Variants in CHD9 observed in about 807,000 individuals in gnomAD.
CHD9 encodes chromodomain helicase DNA binding protein 9, also known as ATP-dependent chromatin remodeler CHD9.
In CHD9, 77 loss-of-function variants were observed where a neutral mutation model predicts 316.1. The observed-to-expected ratio is 0.24, with a 90% CI of 0.20 to 0.29. CHD9 has a LOEUF of 0.29. Ranked by LOEUF, CHD9 falls within the 10% of genes least tolerant of loss-of-function variation. The pLI is 1.00. For missense variants in CHD9, 2,763 were observed against 3,438.1 expected, an observed-to-expected ratio of 0.80 and a Z score of 4.91; for synonymous variants, 1,129 against 1,158.3, an observed-to-expected ratio of 0.97 and a Z score of 0.51.
At chr16:53,249,322 T>A (rs146278162) in intron 16 of CHD9, among the ~76,000 whole-genome samples, 140 of 152,324 alleles carry the variant, frequency 9.2e-4, no homozygotes, top group African/African-American at 3.2e-3. Flanking sequence ...ATTTGATGTC[T>A]TGCAGTTTTT....
At chr16:53,130,556 G>A (rs1041382241) in intron 1 of CHD9, among the ~76,000 whole-genome samples, 53 of 150,076 alleles carry the variant, frequency 3.5e-4, no homozygotes, top group African/African-American at 1.3e-3. Context: ...GGCTGCCGGG[G>A]GAGCCCGGAC....
At chr16:53,248,901 A>T (rs1242711952) in intron 16 of CHD9, among the ~76,000 whole-genome samples, 1 of 152,140 alleles carries the variant, frequency 6.6e-6, no homozygotes, top group Admixed American at 6.5e-5. Context: ...GAGATTATGT[A>T]GTTCATTTTT....
At chr16:53,084,731 G>A (rs2035319914) in intron 1 of CHD9, among the ~76,000 whole-genome samples, 1 of 152,192 alleles carries the variant, frequency 6.6e-6, no homozygotes, top group African/African-American at 2.4e-5. Flanking sequence ...AACAGAGTGA[G>A]ACTTCGTCTC....
intron 2 of CHD9, among the ~76,000 whole-genome samples, chr16:53,201,337 G>T (rs2045437455): frequency 6.6e-6 from 1 of 152,126 alleles, no homozygotes; most frequent in Non-Finnish European, 1.5e-5. Flanking sequence ...GATCATGTAT[G>T]ACCTTTTTCT....
chr16:53,317,175 A>G (rs2056946579), intron 36 of CHD9, among the ~76,000 whole-genome samples: 1 of 151,686 alleles, frequency 6.6e-6, no homozygotes, highest in African/African-American at 2.4e-5. Flanking sequence ...AAAAAAAAAA[A>G]AAAAAAGAAA....
chr16:53,165,056 G>T (rs2042181334), intron 2 of CHD9, among the ~76,000 whole-genome samples: 1 of 152,142 alleles, frequency 6.6e-6, no homozygotes, highest in Non-Finnish European at 1.5e-5. Flanking sequence ...GGACTTTAGA[G>T]GTCATTATTA....
chr16:53,116,257 A>G (rs2038296423), intron 1 of CHD9, among the ~76,000 whole-genome samples: 4 of 152,242 alleles, frequency 2.6e-5, no homozygotes, highest in Admixed American at 2.6e-4. Context: ...AAAGGGTTTC[A>G]CCGTGCTGGC....
intron 1 of CHD9, among the ~76,000 whole-genome samples, chr16:53,059,901 G>A (rs998608778): frequency 1.3e-5 from 2 of 152,198 alleles, no homozygotes; most frequent in African/African-American, 4.8e-5. Context: ...AACTGCCACT[G>A]TAGAGTAAAA....
intron 2 of CHD9, among the ~76,000 whole-genome samples, chr16:53,161,366 T>C (rs1004476814): frequency 2.0e-5 from 3 of 152,246 alleles, no homozygotes; most frequent in African/African-American, 7.2e-5. Flanking sequence ...AATTTTTGCA[T>C]GTTCTGTATA....
Position 53,324,369 on chromosome 16 carries a change from A to C in CHD9, c.8168A>C (p.Asn2723Thr), listed in dbSNP as rs200093539. The change falls in exon 39 of 39, where the codon AAT (asparagine) becomes ACT (threonine). Residue 2723 changes from asparagine (N) to threonine (T), a missense_variant. Asn to Thr is a moderately conservative substitution (Grantham distance 65). Coordinates refer to ENST00000447540, the MANE Select transcript of CHD9 (RefSeq NM_001308319.2). ...MLLSGMAGLP[N>T]LLGMGGLLTK... ...CTGTCAGGAATGGCTGGATTACCAAATCTGTTGGGCATGGGAGGACTCCTG... is the reference window on the plus strand; with the variant it reads ...CTGTCAGGAATGGCTGGATTACCAACTCTGTTGGGCATGGGAGGACTCCTG... The C allele has an allele frequency of 6.2e-7, 1 of 1,613,978 alleles. No homozygotes were observed. The highest frequency in any genetic ancestry group is 8.5e-7 in the Non-Finnish European group (1 of 1,179,880).
rs1300726498 is a variant in CHD9, at chr16:53,199,937, TAGAA to T, written c.1453-9538_1453-9535del. On this transcript the variant is annotated intron_variant, in intron 2 of 38. Coordinates refer to ENST00000447540, the MANE Select transcript of CHD9 (RefSeq NM_001308319.2). ...AATCATAGTGTCAGATTATAAACCA[TAGAA>T]AGAAAGTAATATCGGCTGGCACGGT... 4.6e-5 allele frequency among the ~76,000 whole-genome samples: 7 copies of T among 152,174 alleles called. No individual in the cohort carries two copies. In the East Asian group the frequency reaches 1.4e-3, roughly 29 times the overall value.
intron 1 of CHD9, among the ~76,000 whole-genome samples, chr16:53,104,240 G>A (rs1176911427): frequency 6.6e-6 from 1 of 152,194 alleles, no homozygotes; most frequent in African/African-American, 2.4e-5. Flanking sequence ...GTTAAAGAAT[G>A]TTGTTTCCGA....
intron 2 of CHD9, among the ~76,000 whole-genome samples, chr16:53,165,323 G>A (rs2042200179): frequency 6.6e-6 from 1 of 152,016 alleles, no homozygotes; most frequent in African/African-American, 2.4e-5. Context: ...AATTACAAAA[G>A]GTGAAGAAAG....
intron 1 of CHD9, among the ~76,000 whole-genome samples, chr16:53,106,850 G>A (rs7202097): frequency 0.033 from 5,051 of 152,232 alleles, 275 homozygotes; most frequent in African/African-American, 0.11. Flanking sequence ...CATTGCAAAA[G>A]ATACATACAC....
intron 1 of CHD9, among the ~76,000 whole-genome samples, chr16:53,106,918 G>T (rs2037404521): frequency 6.6e-6 from 1 of 152,054 alleles, no homozygotes; most frequent in African/African-American, 2.4e-5. Flanking sequence ...CCAAATTATG[G>T]AATACAAGAA....
At chr16:53,299,277 A>G (rs912146315) in intron 30 of CHD9, 1 of 155,200 alleles carries the variant, frequency 6.4e-6, no homozygotes, top group Non-Finnish European at 1.4e-5. Context: ...ATGCTCTGGC[A>G]TTTTCACTGA....
chr16:53,178,449 T>C (rs1395281718), intron 2 of CHD9, among the ~76,000 whole-genome samples: 1 of 142,056 alleles, frequency 7.0e-6, no homozygotes, highest in African/African-American at 2.9e-5. Context: ...TTTTTTTTTT[T>C]TGAGACAAGG....
chr16:53,217,857 A>C (rs2046893085), intron 3 of CHD9, among the ~76,000 whole-genome samples: 1 of 151,376 alleles, frequency 6.6e-6, no homozygotes, highest in African/African-American at 2.4e-5. Flanking sequence ...CTCCCACTTC[A>C]GTCTACCAAG....
At chr16:53,057,696 A>G (rs1334591763) in intron 1 of CHD9, among the ~76,000 whole-genome samples, 1 of 152,112 alleles carries the variant, frequency 6.6e-6, no homozygotes, top group African/African-American at 2.4e-5. Context: ...ATGTCTGCGT[A>G]ACTTCCAAAT....
Sources: gnomAD v4.1 joint callset for allele counts (sites outside exome capture counted in the v4.1 genomes callset) on GRCh38, gnomAD v4.1.1 for gene constraint, MANE v1.5 for transcripts, NCBI Gene and HGNC (gene_info 2026-07-23, HGNC 2026-07-21) for gene names.